The following EPS15 variants were observed in gnomAD, a reference collection of about 807,000 sequenced individuals.
The protein encoded by EPS15 is epidermal growth factor receptor substrate 15.
Under a neutral mutation model 113.8 loss-of-function variants are expected in EPS15, and 72 were observed. That is an observed-to-expected ratio of 0.63 (90% CI 0.52 to 0.77). The LOEUF is 0.77. EPS15 is among the 30% of genes least tolerant of loss of function. The probability of loss-of-function intolerance (pLI) is 0.00; values close to 1 mark genes in which losing one functional copy is unlikely to be tolerated. For synonymous variants in EPS15, 344 were observed against 363.4 expected (o/e 0.95, Z 0.61); for missense variants, 1,048 against 1,045.8 (o/e 1.00, Z -0.03).
chr1:51,373,890 G>A (rs959634856), intron 21 of EPS15, among the ~76,000 whole-genome samples: 2 of 152,056 alleles, frequency 1.3e-5, no homozygotes, highest in Non-Finnish European at 2.9e-5. Flanking sequence ...GATGGAGGTC[G>A]CAGTGAGCCG....
chr1:51,447,912 C>T, intron 9 of EPS15, 134 bp downstream of exon 9: 1 of 1,332,552 alleles, frequency 7.5e-7, no homozygotes. Context: ...AAAAAAAATC[C>T]TTTAACACTG....
At chr1:51,472,383 T>G (rs1302845409) in intron 3 of EPS15, among the ~76,000 whole-genome samples, 2 of 152,248 alleles carry the variant, frequency 1.3e-5, no homozygotes, top group African/African-American at 4.8e-5. Context: ...ATAATTAAAT[T>G]ATTGTGATTA....
intron 1 of EPS15, among the ~76,000 whole-genome samples, chr1:51,495,567 T>C (rs553585219): frequency 1.8e-4 from 28 of 152,174 alleles, no homozygotes; most frequent in African/African-American, 6.3e-4. Flanking sequence ...AAGTGTAATT[T>C]AAAACAAACA....
chr1:51,371,455 A>T (rs1646648587), intron 21 of EPS15, among the ~76,000 whole-genome samples: 2 of 151,050 alleles, frequency 1.3e-5, no homozygotes, highest in African/African-American at 2.4e-5. Flanking sequence ...TTGTGTATTA[A>T]TTTTTTTTCC....
chr1:51,412,528 T>G (rs947674450), intron 13 of EPS15, among the ~76,000 whole-genome samples: 23 of 152,250 alleles, frequency 1.5e-4, no homozygotes, highest in African/African-American at 5.3e-4. Flanking sequence ...TCCGTGAGTT[T>G]GTGTGATCAC....
intron 12 of EPS15, among the ~76,000 whole-genome samples, chr1:51,424,907 A>T (rs556679822): frequency 1.3e-4 from 20 of 152,220 alleles, no homozygotes; most frequent in South Asian, 1.0e-3. Context: ...TGTCTCAAAA[A>T]AAAATAAAAT....
intron 1 of EPS15, among the ~76,000 whole-genome samples, chr1:51,517,842 T>C (rs1422194682): frequency 6.6e-6 from 1 of 152,222 alleles, no homozygotes; most frequent in Non-Finnish European, 1.5e-5. Flanking sequence ...TTATTTTACA[T>C]GAAGCATGTA....
chr1:51,472,742 A>C (rs1317766727), intron 3 of EPS15, 117 bp downstream of exon 3: 11 of 713,902 alleles, frequency 1.5e-5, no homozygotes, highest in Admixed American at 2.3e-5. Flanking sequence ...AATGGCTTCT[A>C]TGACTCGGTT....
intron 11 of EPS15, among the ~76,000 whole-genome samples, chr1:51,441,066 C>T (rs560118032): frequency 6.6e-6 from 1 of 152,170 alleles, no homozygotes; most frequent in South Asian, 2.1e-4. Flanking sequence ...CAAAATTGGT[C>T]TCTGAATGGT....
At chr1:51,393,263 C>A (rs1409320055) in intron 21 of EPS15, among the ~76,000 whole-genome samples, 1 of 152,210 alleles carries the variant, frequency 6.6e-6, no homozygotes, top group African/African-American at 2.4e-5. Flanking sequence ...GTTGCCCAGG[C>A]TGGCGTGCAA....
At chr1:51,385,704 AGAAT>A (rs750850467) in intron 21 of EPS15, among the ~76,000 whole-genome samples, 13 of 152,238 alleles carry the variant, frequency 8.5e-5, no homozygotes, top group Non-Finnish European at 1.2e-4. Flanking sequence ...TACATATAAT[AGAAT>A]ATTATCAAGT....
chr1:51,363,156 G>C (rs951170663), intron 23 of EPS15, among the ~76,000 whole-genome samples: 1 of 151,968 alleles, frequency 6.6e-6, no homozygotes, highest in Admixed American at 6.6e-5. Context: ...AAATTAGCCA[G>C]GCATGGTGGA....
At chr1:51,431,018 ACACAC>A (rs1651685095) in intron 12 of EPS15, among the ~76,000 whole-genome samples, 1 of 136,048 alleles carries the variant, frequency 7.4e-6, no homozygotes, top group African/African-American at 2.8e-5. Context: ...ACACACACAC[ACACAC>A]ACACAAAAAT....
chr1:51,513,365 G>C (rs1361306343), intron 1 of EPS15, among the ~76,000 whole-genome samples: 1 of 152,010 alleles, frequency 6.6e-6, no homozygotes, highest in Non-Finnish European at 1.5e-5. Context: ...AAACAATAAG[G>C]GAGATCTATA....
At chr1:51,423,842 A>C in intron 12 of EPS15, 2 of 330,060 alleles carry the variant, frequency 6.1e-6, no homozygotes, top group Non-Finnish European at 8.7e-6. Flanking sequence ...CAAAGGACTC[A>C]GCTCTAAACA....
Position 51,454,076 on chromosome 1 carries a change from A to G in EPS15, c.562-5941T>C, listed in dbSNP as rs545441192. 1.5e-4 allele frequency among the ~76,000 whole-genome samples: 22 copies of G among 150,746 alleles called. 1 individual carries two copies. In the East Asian group the frequency reaches 4.3e-3, roughly 29 times the overall value. ...AAAAAAAAAAAAAAAAAAAAAAGGG[A>G]AAAGATCGTGCTCAGTTTTACGACC... On this transcript the variant is annotated intron_variant, in intron 8 of 24. Coordinates refer to ENST00000371733, the MANE Select transcript of EPS15 (RefSeq NM_001981.3).
intron 23 of EPS15, among the ~76,000 whole-genome samples, chr1:51,362,805 T>A (rs1331081818): frequency 1.3e-5 from 2 of 151,366 alleles, no homozygotes; most frequent in African/African-American, 4.9e-5. Context: ...AGGTATGATT[T>A]AAAAAAAAAT....
intron 24 of EPS15, among the ~76,000 whole-genome samples, chr1:51,357,884 C>T (rs1213562751): frequency 2.6e-5 from 4 of 151,910 alleles, no homozygotes; most frequent in Non-Finnish European, 5.9e-5. Context: ...GAATTACAAG[C>T]ATGCACCACC....
chr1:51,365,968 G>C lies in EPS15; in HGVS notation c.2181C>G (p.Phe727Leu). The C allele has an allele frequency of 6.2e-7, 1 of 1,611,206 alleles. No individual in the cohort carries two copies. The highest frequency in any genetic ancestry group is 8.5e-7 in the Non-Finnish European group (1 of 1,177,932). Reference protein sequence around the residue: ...NESFGGGFADFSTLSKVNNED... With the variant: ...NESFGGGFADLSTLSKVNNED... Reference sequence around the variant, plus strand: ...TGTAGATTACCTTTGACAATGTGCTGAAGTCAGCAAATCCACCTCCAAATG... The same window carrying C: ...TGTAGATTACCTTTGACAATGTGCTCAAGTCAGCAAATCCACCTCCAAATG... The change falls in exon 22 of 25, where the codon TTC becomes TTG. Residue 727 changes from phenylalanine (F) to leucine (L), a missense_variant. Transcript: ENST00000371733.
Sources: allele counts gnomAD v4.1 joint callset (sites outside exome capture counted in the v4.1 genomes callset), GRCh38; gene constraint gnomAD v4.1.1; transcripts MANE v1.5; gene names NCBI Gene and HGNC (gene_info 2026-07-23, HGNC 2026-07-21).